The following PPP1R12B variants were observed in gnomAD, a reference collection of about 807,000 sequenced individuals.
PPP1R12B encodes the protein myosin phosphatase target subunit 2.
PPP1R12B carries 76 observed loss-of-function variants against 126.1 expected under a neutral mutation model. The observed-to-expected ratio is 0.60, with a 90% CI of 0.50 to 0.73. PPP1R12B has a LOEUF of 0.73. Among genes scored for constraint, PPP1R12B ranks in the 30% least tolerant of loss-of-function variants. The pLI, the probability that PPP1R12B is intolerant of heterozygous loss-of-function variation, is 0.00. For synonymous variants in PPP1R12B, 356 were observed against 434.7 expected, an observed-to-expected ratio of 0.82 and a Z score of 2.25; for missense variants, 1,052 against 1,205.1, an observed-to-expected ratio of 0.87 and a Z score of 1.88.
chr1:202,354,826 G>T (rs111844052), intron 1 of PPP1R12B, among the ~76,000 whole-genome samples: 61,028 of 122,284 alleles, frequency 0.5, 15,091 homozygotes, highest in East Asian at 0.74. Flanking sequence ...TGTTTTTTTT[G>T]TTGTTGTTTT....
chr1:202,379,466 C>T (rs1465933201), intron 1 of PPP1R12B, among the ~76,000 whole-genome samples: 1 of 152,200 alleles, frequency 6.6e-6, no homozygotes, highest in East Asian at 1.9e-4. Context: ...GTCCCCATCT[C>T]CACCGTCTAC....
At chr1:202,558,850 G>A in intron 18 of PPP1R12B, 27 bp from the exon 19 acceptor site, 1 of 1,438,522 alleles carries the variant, frequency 7.0e-7, no homozygotes, top group Non-Finnish European at 9.6e-7. Flanking sequence ...TTCTTTTTTT[G>A]TTTTTGTTTT....
Position 202,562,787 on chromosome 1 carries a change from G to A in PPP1R12B, c.2517G>A (p.Ser839=), listed in dbSNP as rs770767374. Residue 839 remains serine, a synonymous_variant, in exon 20 of 24, where the codon TCG becomes TCA. Coordinates refer to ENST00000608999, the MANE Select transcript of PPP1R12B (RefSeq NM_002481.4). ...TWHERLSRLE[S]GGSNPTTSDS... ...ATATTATCTCCCACAGGTTGGAATCGGGAGGTAGTAATCCTACAACCAGTG... is the reference window on the plus strand; with the variant it reads ...ATATTATCTCCCACAGGTTGGAATCAGGAGGTAGTAATCCTACAACCAGTG... 8 of 1,611,058 alleles carry A rather than the reference G, an allele frequency of 5.0e-6. No individual in the cohort carries two copies. Among genetic ancestry groups the A allele is most frequent in the East Asian group, 2.2e-5 (1 of 44,870 alleles).
chr1:202,401,104 C>T (rs540956769), intron 1 of PPP1R12B, among the ~76,000 whole-genome samples: 1 of 152,280 alleles, frequency 6.6e-6, no homozygotes. Flanking sequence ...TTGTCTATAG[C>T]TGCTTTTACA....
intron 1 of PPP1R12B, among the ~76,000 whole-genome samples, chr1:202,368,495 A>C (rs546495890): frequency 6.6e-6 from 1 of 152,166 alleles, no homozygotes; most frequent in Non-Finnish European, 1.5e-5. Context: ...GTATTTCTTT[A>C]TAGCAACACA....
chr1:202,556,718 G>T (rs1054615996), intron 18 of PPP1R12B, among the ~76,000 whole-genome samples: 3 of 152,134 alleles, frequency 2.0e-5, no homozygotes, highest in Non-Finnish European at 1.5e-5. Context: ...TGTTCACAGT[G>T]CTCTCCTGGT....
At chr1:202,546,928 A>G (rs549487348) in intron 18 of PPP1R12B, among the ~76,000 whole-genome samples, 2 of 152,314 alleles carry the variant, frequency 1.3e-5, no homozygotes, top group South Asian at 4.1e-4. Flanking sequence ...GCGCTTTCCT[A>G]TTCCATCACC....
intron 10 of PPP1R12B, chr1:202,439,263 A>C (rs1671280355): frequency 2.9e-6 from 4 of 1,394,484 alleles, no homozygotes; most frequent in Middle Eastern, 1.8e-4. Context: ...TGTCCTCCAC[A>C]GAGGCAAGAT....
intron 13 of PPP1R12B, among the ~76,000 whole-genome samples, chr1:202,479,451 A>G (rs1368062624): frequency 1.3e-5 from 2 of 152,236 alleles, no homozygotes; most frequent in South Asian, 2.1e-4. Flanking sequence ...ATTTGGCTCT[A>G]CTTTTCCCCT....
intron 18 of PPP1R12B, among the ~76,000 whole-genome samples, chr1:202,519,446 A>G (rs1176737990): frequency 6.6e-6 from 1 of 150,642 alleles, no homozygotes; most frequent in Admixed American, 6.6e-5. Context: ...TTTTTTCTGT[A>G]TTTTTAGTAA....
intron 10 of PPP1R12B, chr1:202,439,370 G>A (rs1056145912): frequency 1.5e-6 from 2 of 1,295,700 alleles, no homozygotes; most frequent in South Asian, 2.4e-5. Flanking sequence ...CAGAACTCTT[G>A]AAGCTGGTGA....
chr1:202,395,288 G>A (rs957155361), intron 1 of PPP1R12B, among the ~76,000 whole-genome samples: 17 of 152,000 alleles, frequency 1.1e-4, no homozygotes, highest in African/African-American at 3.6e-4. Context: ...CACATAACTC[G>A]GTGTTAGGAA....
At chr1:202,548,783 T>TCC in intron 18 of PPP1R12B, among the ~76,000 whole-genome samples, 1 of 90,192 alleles carries the variant, frequency 1.1e-5, no homozygotes, top group Non-Finnish European at 2.3e-5. Context: ...GCTGTCTCTC[T>TCC]CTCTCTCTCT....
intron 13 of PPP1R12B, among the ~76,000 whole-genome samples, chr1:202,452,068 G>GGCC (rs1045574616): frequency 1.3e-5 from 2 of 151,926 alleles, no homozygotes; most frequent in Non-Finnish European, 2.9e-5. Context: ...ATCCCAGACG[G>GGCC]GGCGGCGGGG....
chr1:202,360,705 G>A (rs529827526), intron 1 of PPP1R12B, among the ~76,000 whole-genome samples: 41 of 148,622 alleles, frequency 2.8e-4, no homozygotes, highest in East Asian at 9.9e-4. Context: ...GTGAAACTCC[G>A]TCTCAAAAAA....
intron 18 of PPP1R12B, among the ~76,000 whole-genome samples, chr1:202,533,463 G>GT (rs939776956): frequency 2.6e-5 from 4 of 151,834 alleles, no homozygotes; most frequent in Non-Finnish European, 5.9e-5. Flanking sequence ...CTAATTTTGG[G>GT]TTTTTTTGTT....
rs768031501 is a variant in PPP1R12B, at chr1:202,431,665, TAAG to T, written c.1141+51_1141+53del. ...GTGAAGATCCTCTATCTCCATAGTG[TAAG>T]AAGATTACTCCTTGTCAGAGAGCTA... On this transcript the variant is annotated intron_variant, in intron 8 of 23. Transcript: ENST00000608999. 5.8e-6 allele frequency: 9 copies of T among 1,544,868 alleles called. No homozygotes were observed. In the East Asian group the frequency reaches 7.0e-5, roughly 12 times the overall value.
At chr1:202,378,952 C>G (rs1342119697) in intron 1 of PPP1R12B, among the ~76,000 whole-genome samples, 1 of 152,164 alleles carries the variant, frequency 6.6e-6, no homozygotes, top group Non-Finnish European at 1.5e-5. Flanking sequence ...ATTGCCCACT[C>G]TTTGCCCAGA....
At chr1:202,445,982 T>C (rs988288758) in intron 12 of PPP1R12B, among the ~76,000 whole-genome samples, 2 of 152,052 alleles carry the variant, frequency 1.3e-5, no homozygotes, top group Non-Finnish European at 2.9e-5. Context: ...ACACCAGTGA[T>C]GGTGCTTGAT....
Sources: allele counts gnomAD v4.1 joint callset (sites outside exome capture counted in the v4.1 genomes callset), GRCh38; gene constraint gnomAD v4.1.1; transcripts MANE v1.5; gene names NCBI Gene and HGNC (gene_info 2026-07-23, HGNC 2026-07-21).